Variants in PFKFB3 observed in about 807,000 individuals in gnomAD.
The protein encoded by PFKFB3 is 6-phosphofructo-2-kinase/fructose-2,6-bisphosphatase 3.
A neutral mutation model predicts 68.0 loss-of-function variants in PFKFB3; 33 were observed. The observed-to-expected ratio is 0.49, with a 90% CI of 0.37 to 0.65. The LOEUF is 0.65. PFKFB3 is among the 30% of genes least tolerant of loss of function. PFKFB3 has a pLI of 0.00. For synonymous variants in PFKFB3, 315 were observed against 288.2 expected (o/e 1.09, Z -0.94); for missense variants, 586 against 712.2 (o/e 0.82, Z 2.02).
chr10:6,233,370 G>A lies in PFKFB3; in HGVS notation c.*428G>A, dbSNP rs766884294. 1 of 161,316 alleles carries A rather than the reference G, an allele frequency of 6.2e-6. No individual in the cohort carries two copies. Among genetic ancestry groups the A allele is most frequent in the African/African-American group, 2.4e-5 (1 of 41,802 alleles). 10.0% of individuals were successfully genotyped at this position (161,316 alleles called of 1,614,324 possible). ...AGAATCCTAAAATTAAAGGAGGCAG[G>A]CTCCTAGTTGCTGAAAGTTAAGGAA... On this transcript the variant is annotated 3_prime_UTR_variant, in exon 15 of 15. Transcript: ENST00000379775.
chr10:6,219,465 C>G, intron 6 of PFKFB3, 104 bp from the exon 7 acceptor site: 2 of 1,244,948 alleles, frequency 1.6e-6, no homozygotes, highest in East Asian at 4.7e-5. Context: ...AATCTTTATA[C>G]TGAGCCTTCT....
At chr10:6,292,229 C>T in the PFKFB3 span, among the ~76,000 whole-genome samples, 1 of 144,540 alleles carries the variant, frequency 6.9e-6, no homozygotes, top group African/African-American at 2.5e-5. Context: ...GCTGGGATTA[C>T]AAGTGTGAGC....
At chr10:6,250,493 C>A (rs2132081384) in intron 14 of PFKFB3, among the ~76,000 whole-genome samples, 1 of 151,854 alleles carries the variant, frequency 6.6e-6, no homozygotes, top group South Asian at 2.1e-4. Context: ...ATGGCATGAA[C>A]CTGGGAGGCA....
intron 14 of PFKFB3, among the ~76,000 whole-genome samples, chr10:6,249,138 C>T (rs1846321573): frequency 7.1e-6 from 1 of 140,072 alleles, no homozygotes; most frequent in South Asian, 2.2e-4. Flanking sequence ...TGCGCCATTG[C>T]ACTCCAGCCT....
chr10:6,262,023 A>AC, the PFKFB3 span, among the ~76,000 whole-genome samples: 1 of 150,808 alleles, frequency 6.6e-6, no homozygotes, highest in African/African-American at 2.4e-5. Flanking sequence ...AAAAAACAAA[A>AC]AAAAAAACAC....
chr10:6,212,253 C>T (rs1588491518), intron 1 of PFKFB3, among the ~76,000 whole-genome samples: 1 of 152,232 alleles, frequency 6.6e-6, no homozygotes. Flanking sequence ...GCGGGAGTTG[C>T]CTGAGACTCC....
At chr10:6,180,596 C>G (rs1051606358) in intron 1 of PFKFB3, among the ~76,000 whole-genome samples, 1 of 152,044 alleles carries the variant, frequency 6.6e-6, no homozygotes, top group African/African-American at 2.4e-5. Context: ...TCCTGAGTAG[C>G]TGAAACTACA....
intron 1 of PFKFB3, among the ~76,000 whole-genome samples, chr10:6,160,696 C>T (rs971956411): frequency 9.9e-5 from 11 of 110,596 alleles, no homozygotes; most frequent in East Asian, 2.8e-4. Flanking sequence ...CCAGCCTGGG[C>T]GACAAGAGCA....
intron 13 of PFKFB3, 105 bp downstream of exon 13, chr10:6,224,318 C>T (rs1845175393): frequency 1.9e-6 from 2 of 1,064,812 alleles, no homozygotes; most frequent in South Asian, 1.3e-5. Context: ...AGGTGCTGGC[C>T]TGTCTGGGGC....
At chr10:6,302,746 G>A in the PFKFB3 span, among the ~76,000 whole-genome samples, 7 of 109,952 alleles carry the variant, frequency 6.4e-5, no homozygotes, top group South Asian at 7.3e-4. Flanking sequence ...ATATGTGTGT[G>A]TATACACACA....
chr10:6,306,435 TGTGTCTTCA>T, the PFKFB3 span, among the ~76,000 whole-genome samples: 1 of 152,244 alleles, frequency 6.6e-6, no homozygotes, highest in East Asian at 1.9e-4. Context: ...GGAAACAGGC[TGTGTCTTCA>T]GCCTCTCTCT....
At chr10:6,314,351 A>G in the PFKFB3 span, among the ~76,000 whole-genome samples, 93 of 152,320 alleles carry the variant, frequency 6.1e-4, no homozygotes, top group African/African-American at 2.1e-3. Context: ...AATGCCCATA[A>G]TCCCATCACC....
At chr10:6,146,344 G>A (rs2131664603) in intron 1 of PFKFB3, 3 of 1,531,124 alleles carry the variant, frequency 2.0e-6, no homozygotes, top group Non-Finnish European at 2.6e-6. Context: ...TGAAGGGGGT[G>A]GCTGCTGACT....
chr10:6,145,705 G>A (rs996352861), intron 1 of PFKFB3, among the ~76,000 whole-genome samples: 1 of 152,200 alleles, frequency 6.6e-6, no homozygotes, highest in African/African-American at 2.4e-5. Context: ...GATGGCTAGG[G>A]ACGGCCGCGT....
intron 14 of PFKFB3, chr10:6,254,148 C>G (rs1228630405): frequency 7.9e-6 from 3 of 380,398 alleles, no homozygotes; most frequent in Admixed American, 4.8e-5. Context: ...TCCACTCAAT[C>G]TAATCCACAA....
rs35447462 is a variant in PFKFB3, at chr10:6,208,371, C to CTTTTTTTTT, written c.76+5049_76+5057dup. Among the ~76,000 whole-genome samples the CTTTTTTTTT allele has an allele frequency of 3.6e-3, 220 of 60,626 alleles. 28 individuals carry two copies. The highest frequency in any genetic ancestry group is 0.031 in the South Asian group (39 of 1,262). The allele number at this position is 60,626 out of a possible 152,430, so 39.8% of individuals were successfully genotyped here. On this transcript the variant is annotated intron_variant, in intron 1 of 14. Transcript: ENST00000379775. ...ACAGGTGTAAGCCAGGGTACCTGGC[C>CTTTTTTTTT]TTTTTTTTTTTTTTTTTTTTTTGCC... is the stretch of plus-strand genomic sequence containing the variant.
chr10:6,321,677 A>C, the PFKFB3 span, among the ~76,000 whole-genome samples: 1 of 152,134 alleles, frequency 6.6e-6, no homozygotes, highest in African/African-American at 2.4e-5. Context: ...TCACTCACCC[A>C]ACCCTGGTTG....
At chr10:6,207,923 G>C (rs371404993) in intron 1 of PFKFB3, among the ~76,000 whole-genome samples, 3 of 152,292 alleles carry the variant, frequency 2.0e-5, no homozygotes, top group African/African-American at 4.8e-5. Context: ...TGTGTTCTGA[G>C]GGATCCTGGG....
At chr10:6,182,324 G>A (rs1221175270) in intron 1 of PFKFB3, among the ~76,000 whole-genome samples, 1 of 152,078 alleles carries the variant, frequency 6.6e-6, no homozygotes, top group African/African-American at 2.4e-5. Flanking sequence ...TGGGGGTCTG[G>A]GTGCAGGAGG....
Sources: gnomAD v4.1 joint callset for allele counts (sites outside exome capture counted in the v4.1 genomes callset) on GRCh38, gnomAD v4.1.1 for gene constraint, MANE v1.5 for transcripts, NCBI Gene and HGNC (gene_info 2026-07-23, HGNC 2026-07-21) for gene names.